NEK7: variants seen among roughly 807,000 people sequenced by gnomAD.
NEK7 encodes serine/threonine-protein kinase Nek7.
Under a neutral mutation model 44.6 loss-of-function variants are expected in NEK7, and 18 were observed. That is an observed-to-expected ratio of 0.40 (90% CI 0.28 to 0.60). NEK7 has a LOEUF of 0.60. Ranked by LOEUF, NEK7 falls within the 20% of genes least tolerant of loss-of-function variation. The pLI is 0.38. For missense variants in NEK7, 256 were observed against 366.5 expected (o/e 0.70, Z 2.46); for synonymous variants, 130 against 121.1 (o/e 1.07, Z -0.48).
chr1:198,278,430 G>C (rs980217621), intron 6 of NEK7, among the ~76,000 whole-genome samples: 3 of 149,796 alleles, frequency 2.0e-5, no homozygotes, highest in African/African-American at 7.6e-5. Flanking sequence ...CATTCAAGTG[G>C]TTGAGCAGAG....
chr1:198,170,097 C>T (rs2102716649), intron 1 of NEK7, among the ~76,000 whole-genome samples: 1 of 152,266 alleles, frequency 6.6e-6, no homozygotes, highest in East Asian at 1.9e-4. Context: ...TGAAGGAGGT[C>T]TTATTGTTTG....
intron 1 of NEK7, among the ~76,000 whole-genome samples, chr1:198,180,699 T>C (rs1664739296): frequency 6.6e-6 from 1 of 152,090 alleles, no homozygotes; most frequent in Non-Finnish European, 1.5e-5. Context: ...TGTGGAAGAA[T>C]TGCAATGAGA....
chr1:198,264,898 G>T (rs58246503), intron 5 of NEK7, among the ~76,000 whole-genome samples: 11,027 of 151,954 alleles, frequency 0.073, 487 homozygotes, highest in East Asian at 0.17. Flanking sequence ...TACTTTATAG[G>T]ATTGTTGTAA....
intron 5 of NEK7, among the ~76,000 whole-genome samples, chr1:198,268,647 T>C (rs1653735701): frequency 6.6e-6 from 1 of 152,118 alleles, no homozygotes; most frequent in Non-Finnish European, 1.5e-5. Context: ...CAATCACATC[T>C]TTCTAGGTTT....
At chr1:198,317,857 G>C (rs1030005897) in intron 9 of NEK7, among the ~76,000 whole-genome samples, 1 of 112,030 alleles carries the variant, frequency 8.9e-6, no homozygotes, top group Non-Finnish European at 1.9e-5. Flanking sequence ...CTTCTGCATT[G>C]TGTATTACTG....
chr1:198,187,950 A>G (rs1450478741), intron 1 of NEK7, among the ~76,000 whole-genome samples: 1 of 152,190 alleles, frequency 6.6e-6, no homozygotes, highest in Non-Finnish European at 1.5e-5. Context: ...ATTGATTTCC[A>G]TGGAGGAATC....
chr1:198,309,405 G>A, intron 9 of NEK7, among the ~76,000 whole-genome samples: 1 of 152,098 alleles, frequency 6.6e-6, no homozygotes, highest in Non-Finnish European at 1.5e-5. Flanking sequence ...GATGTCAGTG[G>A]CTCATATTAT....
intron 1 of NEK7, among the ~76,000 whole-genome samples, chr1:198,182,013 A>G (rs1938376): frequency 0.11 from 16,286 of 152,116 alleles, 1,151 homozygotes; most frequent in South Asian, 0.25. Context: ...ATGGCTTTAT[A>G]TACTTGATAT....
chr1:198,241,544 A>G (rs1666685319), intron 2 of NEK7, among the ~76,000 whole-genome samples: 1 of 152,354 alleles, frequency 6.6e-6, no homozygotes, highest in African/African-American at 2.4e-5. Context: ...CAAAAATTAG[A>G]AAAGAATGCT....
intron 1 of NEK7, among the ~76,000 whole-genome samples, chr1:198,231,026 GT>G (rs1269973189): frequency 6.6e-6 from 1 of 151,350 alleles, no homozygotes; most frequent in African/African-American, 2.4e-5. Flanking sequence ...TCCCAGCAGT[GT>G]TTTTTTAGAA....
At chr1:198,296,654 C>G (rs968013611) in intron 8 of NEK7, among the ~76,000 whole-genome samples, 3 of 152,238 alleles carry the variant, frequency 2.0e-5, no homozygotes, top group Admixed American at 6.5e-5. Context: ...TAACCTTTAT[C>G]TTCAGAAACT....
At chr1:198,244,247 A>G (rs1571566192) in intron 2 of NEK7, among the ~76,000 whole-genome samples, 1 of 152,136 alleles carries the variant, frequency 6.6e-6, no homozygotes, top group Non-Finnish European at 1.5e-5. Context: ...CTTGTATATT[A>G]AATCATTGAT....
At chr1:198,168,839 A>G (rs1664345863) in intron 1 of NEK7, among the ~76,000 whole-genome samples, 1 of 152,208 alleles carries the variant, frequency 6.6e-6, no homozygotes, top group East Asian at 1.9e-4. Context: ...GAGAGAGAAA[A>G]ACCTAGATGG....
At chr1:198,279,526 AAAAGG>A (rs1258185994) in intron 7 of NEK7, among the ~76,000 whole-genome samples, 49 of 152,080 alleles carry the variant, frequency 3.2e-4, no homozygotes, top group South Asian at 2.3e-3. Flanking sequence ...TGAGTAACTT[AAAAGG>A]AGTGATAGGG....
intron 7 of NEK7, among the ~76,000 whole-genome samples, chr1:198,289,365 A>AT (rs5779918): frequency 2.0e-5 from 3 of 151,474 alleles, no homozygotes; most frequent in Non-Finnish European, 3.0e-5. Flanking sequence ...AAAAAGGACA[A>AT]TTTTTTTTTC....
intron 1 of NEK7, among the ~76,000 whole-genome samples, chr1:198,176,821 G>C (rs934343908): frequency 3.3e-5 from 5 of 152,024 alleles, no homozygotes; most frequent in African/African-American, 1.2e-4. Context: ...AATGTAGGGG[G>C]TGACTGGATG....
chr1:198,201,580 C>CT (rs1471276597), intron 1 of NEK7, among the ~76,000 whole-genome samples: 1 of 152,148 alleles, frequency 6.6e-6, no homozygotes, highest in Non-Finnish European at 1.5e-5. Context: ...AGTTAGCAAA[C>CT]TAAAGTGATT....
chr1:198,232,082 A>T (rs1571555109), intron 1 of NEK7, among the ~76,000 whole-genome samples: 2 of 152,314 alleles, frequency 1.3e-5, no homozygotes. Context: ...GTAGACACTC[A>T]TATGACGACT....
At chr1:198,246,165 T>C (rs1666829703) in intron 2 of NEK7, among the ~76,000 whole-genome samples, 1 of 152,190 alleles carries the variant, frequency 6.6e-6, no homozygotes, top group East Asian at 1.9e-4. Flanking sequence ...TATATAGATA[T>C]ATTACCTGCC....
Sources: gnomAD v4.1 joint callset for allele counts (sites outside exome capture counted in the v4.1 genomes callset) on GRCh38, gnomAD v4.1.1 for gene constraint, MANE v1.5 for transcripts, NCBI Gene and HGNC (gene_info 2026-07-23, HGNC 2026-07-21) for gene names.